PCDHA1: variants seen among roughly 807,000 people sequenced by gnomAD.
PCDHA1 encodes protocadherin alpha 1.
Under a neutral mutation model 61.3 loss-of-function variants are expected in PCDHA1, and 42 were observed. The observed-to-expected ratio is 0.69, with a 90% CI of 0.54 to 0.89. The LOEUF (loss-of-function observed/expected upper bound fraction) is 0.89. Among genes scored for constraint, PCDHA1 ranks in the 40% least tolerant of loss-of-function variants. PCDHA1 has a pLI of 0.00. For synonymous variants in PCDHA1, 610 were observed against 553.8 expected (o/e 1.10, Z -1.43); for missense variants, 1,256 against 1,235.3 (o/e 1.02, Z -0.25).
chr5:140,892,332 T>C (rs552266223), intron 1 of PCDHA1, among the ~76,000 whole-genome samples: 41 of 152,392 alleles, frequency 2.7e-4, no homozygotes, highest in African/African-American at 9.9e-4. Flanking sequence ...TTCTCCAGAA[T>C]GGATTTTAAT....
At chr5:140,875,250 C>A in intron 1 of PCDHA1, 1 of 1,016,106 alleles carries the variant, frequency 9.8e-7, no homozygotes, top group Non-Finnish European at 1.4e-6. Context: ...CATAATCAGT[C>A]ACATGATGTC....
chr5:140,993,462 TCACACACACACA>T (rs3836747), intron 3 of PCDHA1, among the ~76,000 whole-genome samples: 1,999 of 141,038 alleles, frequency 0.014, 48 homozygotes, highest in African/African-American at 0.047. Context: ...TCTTTCTTTC[TCACACACACACA>T]CACACACACA....
intron 1 of PCDHA1, chr5:140,875,508 G>GC: frequency 6.2e-7 from 1 of 1,613,706 alleles, no homozygotes; most frequent in South Asian, 1.1e-5. Flanking sequence ...CGGGATCCCA[G>GC]CGTCTGCTGC....
chr5:140,891,311 T>C (rs563637309), intron 1 of PCDHA1, among the ~76,000 whole-genome samples: 1 of 152,216 alleles, frequency 6.6e-6, no homozygotes, highest in African/African-American at 2.4e-5. Context: ...ATTACATGAG[T>C]AAGTTCTTTG....
Position 140,850,161 on chromosome 5 carries a change from C to T in PCDHA1, c.2394+61477C>T, listed in dbSNP as rs2150470387. On this transcript the variant is annotated intron_variant, in intron 1 of 3. Coordinates refer to ENST00000504120, the MANE Select transcript of PCDHA1 (RefSeq NM_018900.4). ...CAACGTGACGCTGCAGGTGTTCGTG[C>T]TGGACGAGAACGACAATGCGCCGGC... 20 of 1,594,886 alleles carry T rather than the reference C, an allele frequency of 1.3e-5. 1 individual carries two copies. Among genetic ancestry groups the T allele is most frequent in the Non-Finnish European group, 1.7e-5 (20 of 1,167,810 alleles).
chr5:140,898,156 G>C (rs1176390379), intron 1 of PCDHA1, among the ~76,000 whole-genome samples: 2 of 152,114 alleles, frequency 1.3e-5, no homozygotes, highest in African/African-American at 4.8e-5. Context: ...TCACGCTGAT[G>C]GTGGTTTCTT....
chr5:140,809,236 G>A, intron 1 of PCDHA1: 1 of 1,614,104 alleles, frequency 6.2e-7, no homozygotes. Context: ...CACGGGCGTT[G>A]GTGGGCGCTG....
At chr5:140,845,868 G>C (rs1252869410) in intron 1 of PCDHA1, among the ~76,000 whole-genome samples, 1 of 149,474 alleles carries the variant, frequency 6.7e-6, no homozygotes, top group South Asian at 2.1e-4. Flanking sequence ...TTGCAGAAAG[G>C]CAACCTAAAA....
intron 2 of PCDHA1, 175 bp downstream of exon 2, chr5:140,979,182 A>C: frequency 2.6e-5 from 24 of 928,990 alleles, no homozygotes; most frequent in Non-Finnish European, 3.1e-5. Context: ...GCAAATGGTC[A>C]GTGCCAGATG....
intron 1 of PCDHA1, chr5:140,842,566 C>T (rs2150339391): frequency 1.0e-5 from 15 of 1,503,446 alleles, no homozygotes; most frequent in Non-Finnish European, 1.4e-5. Flanking sequence ...CCCTGGACCG[C>T]GAGAGAGTGT....
Position 140,927,792 on chromosome 5 carries a change from T to C in PCDHA1, c.2395-51157T>C, listed in dbSNP as rs12522306. On this transcript the variant is annotated intron_variant, in intron 1 of 3. Coordinates refer to ENST00000504120, the MANE Select transcript of PCDHA1 (RefSeq NM_018900.4). The stretch of plus-strand genomic sequence containing the variant: ...AGGTGCAAGTAGCTGCTTCACTAGG[T>C]CCGCCTGAAACGCTCTTGGAGGCAT... 8,419 of 1,614,148 alleles carry C rather than the reference T, an allele frequency of 5.2e-3. 630 individuals carry two copies. The Admixed American group carries it at 0.13, about 25-fold the overall frequency.
intron 1 of PCDHA1, among the ~76,000 whole-genome samples, chr5:140,821,030 C>T (rs2150108519): frequency 6.6e-6 from 1 of 151,546 alleles, no homozygotes; most frequent in Admixed American, 6.6e-5. Context: ...ATTAGAACTC[C>T]GAGAAGAAAC....
chr5:140,853,613 A>G, intron 1 of PCDHA1: 1 of 988,108 alleles, frequency 1.0e-6, no homozygotes, highest in Non-Finnish European at 1.2e-6. Context: ...GGGGTGCTGT[A>G]AATAAGTATA....
chr5:140,796,248 G>T, intron 1 of PCDHA1: 8 of 1,614,136 alleles, frequency 5.0e-6, no homozygotes, highest in Non-Finnish European at 5.9e-6. Context: ...TGACCGCACG[G>T]GACGGGGGCT....
intron 1 of PCDHA1, chr5:140,870,430 G>A: frequency 6.2e-7 from 1 of 1,614,226 alleles, no homozygotes; most frequent in Non-Finnish European, 8.5e-7. Context: ...GGTATCCGTG[G>A]AGGTGGCCGA....
In PCDHA1 at chr5:140,807,042, T is replaced by G. The variant is rs528440968; in HGVS notation, c.2394+18358T>G. 1.2e-4 allele frequency: 119 copies of G among 977,288 alleles called. 2 individuals are homozygous for G. In the South Asian group the frequency reaches 1.9e-3, roughly 16 times the overall value. 60.5% of individuals were successfully genotyped at this position (977,288 alleles called of 1,614,324 possible). A position where few individuals can be genotyped will look rare whatever the true frequency, so the allele number is the denominator to read the frequency against. ...GAGAGAAGGAGGAAGAAGGGAAAAT[T>G]CCTTCTATTCTTACTGGAAGGAACC... On this transcript the variant is annotated intron_variant, in intron 1 of 3. Transcript: ENST00000504120.
At chr5:140,842,777 G>T (rs2150343988) in intron 1 of PCDHA1, 1 of 1,594,618 alleles carries the variant, frequency 6.3e-7, no homozygotes, top group Non-Finnish European at 8.6e-7. Flanking sequence ...GGACGCGCAG[G>T]AGAACGCGCT....
intron 1 of PCDHA1, chr5:140,876,448 G>C (rs2056350590): frequency 1.2e-6 from 2 of 1,614,008 alleles, no homozygotes; most frequent in East Asian, 4.5e-5. Flanking sequence ...CATTGATAAA[G>C]GGATTCCTTC....
rs1554143112 is a variant in PCDHA1 at position 140,849,624 on chromosome 5, C to G, written c.2394+60940C>G. ...TATTGCCCTGATTAGTGTGATCGAC[C>G]TAGACGCAGATGCCAACGGGCAGGT... is the stretch of plus-strand genomic sequence containing the variant. On this transcript the variant is annotated intron_variant, in intron 1 of 3. Transcript: ENST00000504120. 3.1e-6 allele frequency: 5 copies of G among 1,598,656 alleles called. No individual in the cohort carries two copies. The African/African-American group carries it at 6.7e-5, about 21-fold the overall frequency.
Sources: gnomAD v4.1 joint callset for allele counts (sites outside exome capture counted in the v4.1 genomes callset) on GRCh38, gnomAD v4.1.1 for gene constraint, MANE v1.5 for transcripts, NCBI Gene and HGNC (gene_info 2026-07-23, HGNC 2026-07-21) for gene names.